The following TMEM175 variants were observed in gnomAD, a reference collection of about 807,000 sequenced individuals.
The protein encoded by TMEM175 is endosomal/lysosomal proton channel TMEM175.
TMEM175 carries 36 observed loss-of-function variants against 36.5 expected under a neutral mutation model. That is an observed-to-expected ratio of 0.99 (90% CI 0.76 to 1.30). TMEM175 has a LOEUF of 1.30. Among genes scored for constraint, TMEM175 ranks in the 50% most tolerant of loss-of-function variants. The pLI is 0.00. For synonymous variants in TMEM175, 339 were observed against 313.4 expected (o/e 1.08, Z -0.86); for missense variants, 705 against 692.8 (o/e 1.02, Z -0.20).
At chr4:943,616 C>T (rs1727782066) in intron 1 of TMEM175, among the ~76,000 whole-genome samples, 1 of 152,202 alleles carries the variant, frequency 6.6e-6, no homozygotes, top group Non-Finnish European at 1.5e-5. Context: ...AGGTCTCATG[C>T]CTGTCGGTGG....
chr4:954,230 A>T (rs1577442413), intron 8 of TMEM175, among the ~76,000 whole-genome samples: 1 of 149,564 alleles, frequency 6.7e-6, no homozygotes, highest in Non-Finnish European at 1.5e-5. Flanking sequence ...CTTGTGATCC[A>T]CCCACCTCAG....
At chr4:945,026 C>G (rs978811513) in intron 1 of TMEM175, among the ~76,000 whole-genome samples, 12 of 152,098 alleles carry the variant, frequency 7.9e-5, no homozygotes, top group African/African-American at 2.7e-4. Flanking sequence ...TCACTTGAGC[C>G]TAGGAGGTCG....
At chr4:950,765 G>C (rs533226822) in intron 4 of TMEM175, among the ~76,000 whole-genome samples, 1 of 141,424 alleles carries the variant, frequency 7.1e-6, no homozygotes, top group African/African-American at 2.7e-5. Flanking sequence ...AGGTGTGGAC[G>C]GTGTGGATGG....
At chr4:952,589 G>C in intron 7 of TMEM175, 139 bp downstream of exon 7, 1 of 698,238 alleles carries the variant, frequency 1.4e-6, no homozygotes, top group East Asian at 2.8e-5. Flanking sequence ...GTGTGTGTGT[G>C]TGTTCACCAT....
At chr4:948,068 C>G (rs1408280782) in intron 2 of TMEM175, 48 bp from the exon 3 acceptor site, 5 of 1,614,088 alleles carry the variant, frequency 3.1e-6, no homozygotes, top group Non-Finnish European at 4.2e-6. Context: ...CCCAATCCAA[C>G]AAGCGTCTCT....
chr4:950,089 C>T (rs1728668886), intron 3 of TMEM175, among the ~76,000 whole-genome samples: 2 of 152,000 alleles, frequency 1.3e-5, no homozygotes, highest in Admixed American at 1.3e-4. Context: ...TAAGAGCTGA[C>T]CCCCCAGCAG....
chr4:951,846 T>C (rs1560491489), intron 6 of TMEM175, 129 bp downstream of exon 6: 23 of 1,058,828 alleles, frequency 2.2e-5, no homozygotes, highest in Non-Finnish European at 3.0e-5. Context: ...GAGAGAAGGT[T>C]CTGGGGAGAG....
At chr4:949,153 C>A (rs1297141857) in intron 3 of TMEM175, among the ~76,000 whole-genome samples, 1 of 152,108 alleles carries the variant, frequency 6.6e-6, no homozygotes, top group African/African-American at 2.4e-5. Flanking sequence ...CCTTGGCTGC[C>A]CCTTTCAGAA....
At position 953,665 on chromosome 4, in the gene TMEM175, G is replaced by A. The variant is rs146894193; in HGVS notation, c.627+311G>A. On this transcript the variant is annotated intron_variant, in intron 8 of 10. Transcript: ENST00000264771. ...CCAGAAACAGCGACACCCGGAATCCGGGGGTGCATGCGTTTTCTTGTTTTG... is the reference window on the plus strand; with the variant it reads ...CCAGAAACAGCGACACCCGGAATCCAGGGGTGCATGCGTTTTCTTGTTTTG... 1.6e-3 allele frequency among the ~76,000 whole-genome samples: 245 copies of A among 152,342 alleles called. 2 individuals are homozygous for A. Among genetic ancestry groups the A allele is most frequent in the African/African-American group, 5.5e-3 (228 of 41,578 alleles).
chr4:950,191 G>A (rs935649667), intron 3 of TMEM175, among the ~76,000 whole-genome samples: 1 of 152,074 alleles, frequency 6.6e-6, no homozygotes, highest in Admixed American at 6.5e-5. Flanking sequence ...AGGGGTGGGG[G>A]CTGCAGGTGC....
At chr4:952,510 G>GTTTCTT (rs1729046781) in intron 7 of TMEM175, 60 bp downstream of exon 7, 1 of 1,360,532 alleles carries the variant, frequency 7.4e-7, no homozygotes, top group African/African-American at 1.7e-5. Flanking sequence ...GTGTGTGTGT[G>GTTTCTT]TGTGTGTGAT....
At position 943,706 on chromosome 4, in the gene TMEM175, G is replaced by A. The variant is rs191685920; in HGVS notation, c.-31-4003G>A. Among the ~76,000 whole-genome samples, 450 of 152,322 alleles carry A rather than the reference G, an allele frequency of 3.0e-3. 5 individuals are homozygous for A. Among genetic ancestry groups the A allele is most frequent in the Non-Finnish European group, 4.7e-3 (317 of 68,038 alleles). On this transcript the variant is annotated intron_variant, in intron 1 of 10. Transcript: ENST00000264771. ...AAACATGTCCTTACAATACGACCCA[G>A]CAAAACCACTCAAAGGCATTTACCC...
At position 948,113 on chromosome 4, in the gene TMEM175, C is replaced by G; in HGVS notation, c.154-3C>G. 1 of 1,614,150 alleles carries G rather than the reference C, an allele frequency of 6.2e-7. No individual in the cohort carries two copies. The highest frequency in any genetic ancestry group is 8.5e-7 in the Non-Finnish European group (1 of 1,180,042). ...GCTTCCTTCTGTCTCTTTGCCCCCT[C>G]AGATCCTGCCTGTGACCCACACGGA... On this transcript the variant is annotated splice_polypyrimidine_tract_variant and splice_region_variant and intron_variant, in intron 2 of 10. Coordinates refer to ENST00000264771, the MANE Select transcript of TMEM175 (RefSeq NM_032326.4).
intron 6 of TMEM175, 193 bp downstream of exon 6, chr4:951,910 T>C (rs1420972644): frequency 1.6e-6 from 1 of 635,554 alleles, no homozygotes; most frequent in African/African-American, 1.8e-5. Flanking sequence ...GGGGAGGCAG[T>C]GGCCCCGATG....
At position 936,684 on chromosome 4, in the gene TMEM175, G is replaced by A. The variant is rs146182965; in HGVS notation, c.-32+4144G>A. 2.3e-3 allele frequency among the ~76,000 whole-genome samples: 354 copies of A among 152,256 alleles called. 1 individual carries two copies. Among genetic ancestry groups the A allele is most frequent in the African/African-American group, 8.1e-3 (337 of 41,544 alleles). On this transcript the variant is annotated intron_variant, in intron 1 of 10. Coordinates refer to ENST00000264771, the MANE Select transcript of TMEM175 (RefSeq NM_032326.4). ...GAAGAAATTGTGTTGGGCCCGGCGC[G>A]GTGGCTCACGCCTGTAATCCCAGCA...
chr4:951,312 C>T, intron 5 of TMEM175, 54 bp downstream of exon 5: 1 of 1,592,406 alleles, frequency 6.3e-7, no homozygotes, highest in South Asian at 1.1e-5. Context: ...TAATCTGACC[C>T]TCAGGGAAGA....
At position 950,487 on chromosome 4, in the gene TMEM175, A is replaced by C. The variant is rs754171022; in HGVS notation, c.259A>C (p.Ile87Leu). 4.3e-6 allele frequency: 7 copies of C among 1,613,978 alleles called. No individual in the cohort carries two copies. In the East Asian group the frequency reaches 1.6e-4, roughly 36 times the overall value. The stretch of plus-strand genomic sequence containing the variant: ...TGCCGTCTACCTGATGACCTTTCTC[A>C]TCGTGACAGTGGCCTGGGCAGCACA... Reference protein sequence around the residue: ...RIAVYLMTFLIVTVAWAAHTR... With the variant: ...RIAVYLMTFLLVTVAWAAHTR... Residue 87 changes from isoleucine (I) to leucine (L), a missense_variant, in exon 4 of 11, where the codon ATC (isoleucine) becomes CTC (leucine). Physicochemically the swap from Ile to Leu is conservative, Grantham distance 5. Coordinates refer to ENST00000264771, the MANE Select transcript of TMEM175 (RefSeq NM_032326.4).
chr4:952,027 C>T (rs1385455631), intron 6 of TMEM175: 2 of 586,040 alleles, frequency 3.4e-6, no homozygotes, highest in East Asian at 5.7e-5. Flanking sequence ...CGACCACCCG[C>T]CCTGTACTAC....
At chr4:939,725 A>G (rs941315812) in intron 1 of TMEM175, among the ~76,000 whole-genome samples, 5 of 152,210 alleles carry the variant, frequency 3.3e-5, no homozygotes, top group African/African-American at 1.2e-4. Context: ...CAAAAAAAGA[A>G]AAAAGAAAAC....
Sources: allele counts gnomAD v4.1 joint callset (sites outside exome capture counted in the v4.1 genomes callset), GRCh38; gene constraint gnomAD v4.1.1; transcripts MANE v1.5; gene names NCBI Gene and HGNC (gene_info 2026-07-23, HGNC 2026-07-21).